Variants in FTO observed in about 807,000 individuals in gnomAD.
The protein encoded by FTO is FTO alpha-ketoglutarate dependent dioxygenase.
Under a neutral mutation model 63.9 loss-of-function variants are expected in FTO, and 47 were observed. The ratio of observed to expected loss-of-function variants is 0.74; its 90% CI spans 0.58 to 0.94. The LOEUF (loss-of-function observed/expected upper bound fraction) is 0.94. Among genes scored for constraint, FTO ranks in the 40% least tolerant of loss-of-function variants. The pLI is 0.00. For synonymous variants in FTO, 207 were observed against 224.4 expected (o/e 0.92, Z 0.69); for missense variants, 562 against 618.1 (o/e 0.91, Z 0.96).
chr16:53,988,274 T>G (rs2083719649), intron 8 of FTO, among the ~76,000 whole-genome samples: 2 of 152,192 alleles, frequency 1.3e-5, no homozygotes, highest in African/African-American at 4.8e-5. Flanking sequence ...AACTTTTAGC[T>G]TTCTACTACT....
intron 4 of FTO, among the ~76,000 whole-genome samples, chr16:53,851,063 A>G (rs964720903): frequency 6.6e-6 from 1 of 152,166 alleles, no homozygotes; most frequent in South Asian, 2.1e-4. Context: ...CTTTTGTCCA[A>G]ATTTTTCTGA....
At chr16:53,766,744 G>T (rs2077214064) in intron 1 of FTO, among the ~76,000 whole-genome samples, 1 of 152,140 alleles carries the variant, frequency 6.6e-6, no homozygotes, top group Admixed American at 6.5e-5. Flanking sequence ...TAAAGCCTTA[G>T]AACTCTTCTT....
intron 4 of FTO, among the ~76,000 whole-genome samples, chr16:53,872,935 A>C (rs1293700246): frequency 2.0e-5 from 3 of 152,066 alleles, no homozygotes; most frequent in Non-Finnish European, 4.4e-5. Flanking sequence ...ATTTCTTAGG[A>C]TATATAACAA....
At chr16:53,743,552 G>C (rs2151547062) in intron 1 of FTO, among the ~76,000 whole-genome samples, 1 of 147,868 alleles carries the variant, frequency 6.8e-6, no homozygotes. Context: ...GGGAAAGTGG[G>C]GTAAAGAACT....
Position 54,111,980 on chromosome 16 carries a change from G to A in FTO, c.*65G>A. ...GCTTTTCTCCTCCAACGTTGTCATG[G>A]GCTTAAGCAAGAGCAGTGGAGACTT... On this transcript the variant is annotated 3_prime_UTR_variant, in exon 9 of 9. Transcript: ENST00000471389. The A allele has an allele frequency of 6.3e-7, 1 of 1,589,948 alleles. No individual in the cohort carries two copies.
intron 1 of FTO, among the ~76,000 whole-genome samples, chr16:53,728,897 G>A (rs1399310516): frequency 6.6e-6 from 1 of 151,686 alleles, no homozygotes; most frequent in Non-Finnish European, 1.5e-5. Flanking sequence ...AAGTAGCTGG[G>A]ACTACAGATG....
rs925633574 is a variant in FTO, at chr16:53,911,552, G to T, written c.1240-22433G>T. On this transcript the variant is annotated intron_variant, in intron 7 of 8. Coordinates refer to ENST00000471389, the MANE Select transcript of FTO (RefSeq NM_001080432.3). ...TAGATGCATTTGTGTCATCTGATCT[G>T]AGGAGACATTTCTCAGAAACCATTC... is the stretch of plus-strand genomic sequence containing the variant. 8 of 695,642 alleles carry T rather than the reference G, an allele frequency of 1.2e-5. No individual in the cohort carries two copies. In the African/African-American group the frequency reaches 1.2e-4, roughly 11 times the overall value. The allele number at this position is 695,642 out of a possible 1,614,324, so 43.1% of individuals were successfully genotyped here.
At chr16:54,093,163 G>A (rs144655787) in intron 8 of FTO, among the ~76,000 whole-genome samples, 3 of 152,256 alleles carry the variant, frequency 2.0e-5, no homozygotes, top group African/African-American at 4.8e-5. Context: ...TGGCACTTAC[G>A]CATCCAACCC....
chr16:53,820,221 T>C (rs1047315075), intron 2 of FTO, among the ~76,000 whole-genome samples: 3 of 151,948 alleles, frequency 2.0e-5, no homozygotes, highest in African/African-American at 7.2e-5. Context: ...GTTGGCCAGG[T>C]TGGTCTCGAG....
chr16:53,907,666 T>G (rs1334643889), intron 7 of FTO, among the ~76,000 whole-genome samples: 1 of 152,156 alleles, frequency 6.6e-6, no homozygotes, highest in Non-Finnish European at 1.5e-5. Context: ...CTCCAACCCC[T>G]TCACTCCCTG....
intron 2 of FTO, among the ~76,000 whole-genome samples, chr16:53,811,467 A>G (rs2078519865): frequency 6.6e-6 from 1 of 152,106 alleles, no homozygotes; most frequent in Non-Finnish European, 1.5e-5. Flanking sequence ...CTAGCTCAAT[A>G]TTATTTCTAG....
In FTO at chr16:53,844,149, T is replaced by C; in HGVS notation, c.752-6T>C. ...CCTTTCTGATCATTTTCTTCTCTTT[T>C]GGCAGGCCCTGAAGAGGAAAGTGAG... On this transcript the variant is annotated splice_region_variant and splice_polypyrimidine_tract_variant and intron_variant, in intron 3 of 8. Coordinates refer to ENST00000471389, the MANE Select transcript of FTO (RefSeq NM_001080432.3). 1.2e-6 allele frequency: 2 copies of C among 1,612,338 alleles called. No individual in the cohort carries two copies. The highest frequency in any genetic ancestry group is 1.7e-6 in the Non-Finnish European group (2 of 1,178,466).
At chr16:53,912,747 T>C (rs898471922) in intron 7 of FTO, among the ~76,000 whole-genome samples, 2 of 152,204 alleles carry the variant, frequency 1.3e-5, no homozygotes, top group African/African-American at 4.8e-5. Context: ...GGCACATTTG[T>C]TCTGCGATTC....
intron 8 of FTO, among the ~76,000 whole-genome samples, chr16:54,020,612 C>T (rs2084570558): frequency 6.6e-6 from 1 of 152,154 alleles, no homozygotes; most frequent in African/African-American, 2.4e-5. Flanking sequence ...TTCAGAAAGG[C>T]TTTTGGAGTG....
At chr16:53,959,256 G>T (rs2083008487) in intron 8 of FTO, among the ~76,000 whole-genome samples, 1 of 152,162 alleles carries the variant, frequency 6.6e-6, no homozygotes, top group African/African-American at 2.4e-5. Context: ...CATGCTCTAG[G>T]CCAGTGGTTC....
intron 8 of FTO, among the ~76,000 whole-genome samples, chr16:54,052,966 T>C (rs1405181326): frequency 6.6e-6 from 1 of 152,200 alleles, no homozygotes; most frequent in African/African-American, 2.4e-5. Context: ...CCTCCCAAAG[T>C]GCTGGGATTA....
chr16:53,960,871 G>GA (rs575409643), intron 8 of FTO, among the ~76,000 whole-genome samples: 33 of 151,880 alleles, frequency 2.2e-4, no homozygotes, highest in East Asian at 3.9e-4. Flanking sequence ...TTCTCTGTCC[G>GA]AAAAAAAATC....
intron 1 of FTO, among the ~76,000 whole-genome samples, chr16:53,733,691 A>T (rs2076324173): frequency 6.6e-6 from 1 of 152,202 alleles, no homozygotes; most frequent in South Asian, 2.1e-4. Flanking sequence ...AATATGAATT[A>T]TACAGAGATA....
At chr16:53,839,598 G>C (rs1223784829) in intron 3 of FTO, among the ~76,000 whole-genome samples, 1 of 152,020 alleles carries the variant, frequency 6.6e-6, no homozygotes, top group East Asian at 1.9e-4. Context: ...ATTGATGCCA[G>C]CTTGAGAAGA....
Sources: allele counts gnomAD v4.1 joint callset (sites outside exome capture counted in the v4.1 genomes callset), GRCh38; gene constraint gnomAD v4.1.1; transcripts MANE v1.5; gene names NCBI Gene and HGNC (gene_info 2026-07-23, HGNC 2026-07-21).